SOX6: variants seen among roughly 807,000 people sequenced by gnomAD.
The protein encoded by SOX6 is transcription factor SOX-6.
In SOX6, 11 loss-of-function variants were observed where a neutral mutation model predicts 97.8. That is an observed-to-expected ratio of 0.11 (90% CI 0.07 to 0.19). The LOEUF (loss-of-function observed/expected upper bound fraction) is 0.19. Among genes scored for constraint, SOX6 ranks in the 10% least tolerant of loss-of-function variants. SOX6 has a pLI of 1.00. For synonymous variants in SOX6, 360 were observed against 371.4 expected (o/e 0.97, Z 0.35); for missense variants, 810 against 1,039.5 (o/e 0.78, Z 3.04).
intron 3 of SOX6, among the ~76,000 whole-genome samples, chr11:16,681,693 A>G (rs1847929099): frequency 6.6e-6 from 1 of 152,222 alleles, no homozygotes; most frequent in Non-Finnish European, 1.5e-5. Context: ...TGAAAAGATC[A>G]ACAAAATAGA....
At chr11:16,362,585 A>C (rs527910140) in intron 1 of SOX6, among the ~76,000 whole-genome samples, 29 of 152,288 alleles carry the variant, frequency 1.9e-4, no homozygotes, top group Admixed American at 1.7e-3. Context: ...ATAATATAGC[A>C]TGACTATACA....
chr11:15,993,465 G>GAAC (rs1854117840), intron 13 of SOX6, among the ~76,000 whole-genome samples: 1 of 151,900 alleles, frequency 6.6e-6, no homozygotes, highest in African/African-American at 2.4e-5. Context: ...GCAGTTAGAA[G>GAAC]CCTAGACCCA....
chr11:16,254,044 C>A (rs960606985), intron 3 of SOX6, among the ~76,000 whole-genome samples: 2 of 151,662 alleles, frequency 1.3e-5, no homozygotes, highest in African/African-American at 2.4e-5. Flanking sequence ...ATGACTTCTC[C>A]TCAGAAACCA....
chr11:16,293,783 T>C (rs1854985478), intron 3 of SOX6, among the ~76,000 whole-genome samples: 1 of 152,078 alleles, frequency 6.6e-6, no homozygotes, highest in African/African-American at 2.4e-5. Flanking sequence ...ATAGCCACTC[T>C]CTGAAGACAT....
At chr11:16,144,442 T>C (rs569969703) in intron 6 of SOX6, among the ~76,000 whole-genome samples, 31 of 150,322 alleles carry the variant, frequency 2.1e-4, no homozygotes, top group Non-Finnish European at 3.4e-4. Context: ...ATTAAATGTG[T>C]TGGAAGCAAG....
chr11:16,443,131 T>A (rs16933105), intron 1 of SOX6, among the ~76,000 whole-genome samples: 30,771 of 152,082 alleles, frequency 0.2, 3,360 homozygotes, highest in Admixed American at 0.32. Context: ...TCCAGATAAT[T>A]CCCTATAAAA....
chr11:16,622,316 G>T (rs1232666841), intron 3 of SOX6, among the ~76,000 whole-genome samples: 1 of 152,110 alleles, frequency 6.6e-6, no homozygotes, highest in African/African-American at 2.4e-5. Context: ...GTAGTGTTTG[G>T]TTACATGAAT....
At chr11:16,508,263 G>C (rs1238719176) in intron 4 of SOX6, among the ~76,000 whole-genome samples, 1 of 152,132 alleles carries the variant, frequency 6.6e-6, no homozygotes, top group Admixed American at 6.5e-5. Flanking sequence ...CAGTGAGGAG[G>C]ATGTGGAGAA....
intron 2 of SOX6, among the ~76,000 whole-genome samples, chr11:16,717,778 T>G (rs1358183316): frequency 6.6e-6 from 1 of 152,034 alleles, no homozygotes; most frequent in Non-Finnish European, 1.5e-5. Flanking sequence ...ATTTGAGCTA[T>G]TCACAATTCA....
At chr11:15,987,689 AT>A (rs5789928) in intron 14 of SOX6, among the ~76,000 whole-genome samples, 57,856 of 141,856 alleles carry the variant, frequency 0.41, 12,191 homozygotes, top group East Asian at 0.67. Flanking sequence ...AGAAGCACTG[AT>A]TTTTTTTTTT....
chr11:16,337,444 A>G (rs1761734859), intron 2 of SOX6, among the ~76,000 whole-genome samples: 1 of 152,138 alleles, frequency 6.6e-6, no homozygotes, highest in Non-Finnish European at 1.5e-5. Context: ...CATGCTTATT[A>G]ACATCAAAAA....
intron 9 of SOX6, among the ~76,000 whole-genome samples, chr11:16,090,287 AC>A (rs2133966550): frequency 6.6e-6 from 1 of 152,234 alleles, no homozygotes; most frequent in Non-Finnish European, 1.5e-5. Flanking sequence ...AATAACTCAA[AC>A]ACAGTGATTA....
rs181437552 is a variant in SOX6, at chr11:16,162,001, G to T, written c.777+21885C>A. 1.9e-3 allele frequency among the ~76,000 whole-genome samples: 294 copies of T among 152,194 alleles called. 3 individuals carry two copies. The highest frequency in any genetic ancestry group is 0.017 in the Admixed American group (264 of 15,276). On this transcript the variant is annotated intron_variant, in intron 6 of 15. Coordinates refer to ENST00000683767, the MANE Select transcript of SOX6 (RefSeq NM_001367873.1). ...CCTAAATTTAATGCAAGGATTCTGT[G>T]CAATTATATATAATAGAGTTTTCAA...
intron 3 of SOX6, among the ~76,000 whole-genome samples, chr11:16,306,920 A>G (rs1855459560): frequency 6.6e-6 from 1 of 152,144 alleles, no homozygotes; most frequent in African/African-American, 2.4e-5. Flanking sequence ...CACTACGCTC[A>G]GCCTACATCC....
intron 9 of SOX6, among the ~76,000 whole-genome samples, chr11:16,062,270 T>C (rs1847976960): frequency 1.3e-5 from 2 of 151,388 alleles, no homozygotes; most frequent in African/African-American, 4.8e-5. Context: ...GTCTAGTTAA[T>C]AACAAAAAAA....
At chr11:16,353,392 G>T (rs1485712224) in intron 1 of SOX6, among the ~76,000 whole-genome samples, 1 of 151,998 alleles carries the variant, frequency 6.6e-6, no homozygotes, top group African/African-American at 2.4e-5. Context: ...CTGAGGAAAA[G>T]AAATAGAAAA....
intron 9 of SOX6, among the ~76,000 whole-genome samples, chr11:16,082,227 G>A (rs1028298152): frequency 6.6e-6 from 1 of 152,146 alleles, no homozygotes; most frequent in Admixed American, 6.5e-5. Context: ...AAGGGACACA[G>A]CAGGCTAAGT....
In SOX6 at chr11:16,618,052, CTG is replaced by C. The variant is rs551046008; in HGVS notation, n.430-5794_430-5793del. 7.9e-3 allele frequency among the ~76,000 whole-genome samples: 1,198 copies of C among 151,892 alleles called. 14 individuals are homozygous for C. Among genetic ancestry groups the C allele is most frequent in the African/African-American group, 0.028 (1,142 of 41,518 alleles). ...CCTTTTCATTTAGAAGGAAATCACA[CTG>C]TATTATTGCAAAAGCCTTCTTAGTA... On this transcript the variant is annotated intron_variant and non_coding_transcript_variant, in intron 3 of 5. Transcript: ENST00000524520.
chr11:16,679,850 A>C (rs1351126186), intron 3 of SOX6, among the ~76,000 whole-genome samples: 1 of 152,232 alleles, frequency 6.6e-6, no homozygotes, highest in Non-Finnish European at 1.5e-5. Flanking sequence ...AAGTGGAAGA[A>C]AGGATATCAG....
Sources: gnomAD v4.1 joint callset for allele counts (sites outside exome capture counted in the v4.1 genomes callset) on GRCh38, gnomAD v4.1.1 for gene constraint, MANE v1.5 for transcripts, NCBI Gene and HGNC (gene_info 2026-07-23, HGNC 2026-07-21) for gene names.